Variants in SLC25A21 observed in about 807,000 individuals in gnomAD.
SLC25A21 encodes the protein mitochondrial 2-oxodicarboxylate carrier.
Under a neutral mutation model 43.8 loss-of-function variants are expected in SLC25A21, and 47 were observed. The ratio of observed to expected loss-of-function variants is 1.07; its 90% CI spans 0.85 to 1.37. The LOEUF (loss-of-function observed/expected upper bound fraction) is 1.37, where lower values mean the gene tolerates loss of function less well. Ranked by LOEUF, SLC25A21 falls within the 40% of genes most tolerant of loss-of-function variation. The pLI, the probability that SLC25A21 is intolerant of heterozygous loss-of-function variation, is 0.00. For missense variants in SLC25A21, 352 were observed against 350.2 expected (o/e 1.00, Z -0.04); for synonymous variants, 131 against 121.3 (o/e 1.08, Z -0.52).
chr14:37,092,841 TC>T (rs1250449203), intron 1 of SLC25A21, among the ~76,000 whole-genome samples: 1 of 152,020 alleles, frequency 6.6e-6, no homozygotes, highest in Non-Finnish European at 1.5e-5. Flanking sequence ...TGGGTGAGGT[TC>T]TGTTTTTCTT....
At chr14:36,955,492 A>G (rs1959315235) in intron 1 of SLC25A21, among the ~76,000 whole-genome samples, 1 of 152,146 alleles carries the variant, frequency 6.6e-6, no homozygotes, top group Non-Finnish European at 1.5e-5. Context: ...TGTCATTTAG[A>G]TGGCCTACTT....
At chr14:37,026,190 C>T (rs1961089699) in intron 1 of SLC25A21, among the ~76,000 whole-genome samples, 1 of 152,124 alleles carries the variant, frequency 6.6e-6, no homozygotes, top group Admixed American at 6.6e-5. Context: ...TTCTGTCACA[C>T]CACCAGATAT....
intron 1 of SLC25A21, among the ~76,000 whole-genome samples, chr14:37,078,806 A>G (rs1185415415): frequency 1.3e-5 from 2 of 151,612 alleles, no homozygotes; most frequent in Non-Finnish European, 2.9e-5. Flanking sequence ...AGTTTTAGCT[A>G]AGGATAATTT....
chr14:36,777,313 A>G (rs1484510918), intron 3 of SLC25A21, among the ~76,000 whole-genome samples: 1 of 152,134 alleles, frequency 6.6e-6, no homozygotes, highest in Admixed American at 6.5e-5. Flanking sequence ...TAAGTCCATC[A>G]CATCTTAAAT....
At chr14:36,780,260 G>T (rs1315373335) in intron 3 of SLC25A21, among the ~76,000 whole-genome samples, 1 of 145,746 alleles carries the variant, frequency 6.9e-6, no homozygotes, top group African/African-American at 2.8e-5. Flanking sequence ...TCTCAATTTT[G>T]TTTATCTTTT....
intron 1 of SLC25A21, among the ~76,000 whole-genome samples, chr14:36,997,265 G>A (rs1324495478): frequency 6.6e-6 from 1 of 152,078 alleles, no homozygotes; most frequent in Non-Finnish European, 1.5e-5. Context: ...TATATGCCAG[G>A]CACTGATGAT....
intron 1 of SLC25A21, among the ~76,000 whole-genome samples, chr14:37,134,857 C>A (rs1963451594): frequency 6.6e-6 from 1 of 151,806 alleles, no homozygotes; most frequent in Non-Finnish European, 1.5e-5. Flanking sequence ...CTTTGGGAAA[C>A]CCCAGCAAAA....
At chr14:36,764,550 G>T (rs117566125) in intron 3 of SLC25A21, among the ~76,000 whole-genome samples, 1 of 59,714 alleles carries the variant, frequency 1.7e-5, no homozygotes, top group African/African-American at 5.1e-5. Context: ...AAAAAAAAAA[G>T]CCAAAACAAA....
chr14:36,854,896 G>T (rs887094866), intron 2 of SLC25A21, among the ~76,000 whole-genome samples: 1 of 144,986 alleles, frequency 6.9e-6, no homozygotes, highest in Non-Finnish European at 1.5e-5. Context: ...GTGTAGGAGG[G>T]TAATTGGTGT....
At chr14:36,902,258 A>T (rs1011235820) in intron 1 of SLC25A21, among the ~76,000 whole-genome samples, 5 of 152,134 alleles carry the variant, frequency 3.3e-5, no homozygotes, top group Non-Finnish European at 7.4e-5. Context: ...GACTATTCTG[A>T]TGAGGGTTGT....
chr14:37,055,184 G>A (rs1961794201), intron 1 of SLC25A21, among the ~76,000 whole-genome samples: 1 of 152,166 alleles, frequency 6.6e-6, no homozygotes. Flanking sequence ...GAAAGAAACT[G>A]TGCTGGAGAA....
At chr14:37,002,034 C>A (rs896347676) in intron 1 of SLC25A21, among the ~76,000 whole-genome samples, 1 of 152,056 alleles carries the variant, frequency 6.6e-6, no homozygotes, top group African/African-American at 2.4e-5. Flanking sequence ...TAAGTCAAAA[C>A]TTATTCATCA....
At chr14:36,997,091 G>A (rs991859909) in intron 1 of SLC25A21, among the ~76,000 whole-genome samples, 1 of 152,088 alleles carries the variant, frequency 6.6e-6, no homozygotes, top group Non-Finnish European at 1.5e-5. Flanking sequence ...AGAAAAGTCA[G>A]TCAAGGATTA....
intron 2 of SLC25A21, among the ~76,000 whole-genome samples, chr14:36,843,479 T>C (rs1889447979): frequency 1.3e-5 from 2 of 152,194 alleles, no homozygotes; most frequent in Non-Finnish European, 2.9e-5. Context: ...ATATTATAAA[T>C]CTCATTTATA....
rs549746604 is a variant in SLC25A21, at chr14:36,745,743, A to C, written c.204-11170T>G. Among the ~76,000 whole-genome samples, 71 of 152,276 alleles carry C rather than the reference A, an allele frequency of 4.7e-4. 2 individuals are homozygous for C. In the South Asian group the frequency reaches 0.015, roughly 32 times the overall value. Reference sequence around the variant, plus strand: ...AAGTTCTTTGTAGATTCTGGATATTAGCCCTTTGTCAGATGGATAGATTGC... The same window carrying C: ...AAGTTCTTTGTAGATTCTGGATATTCGCCCTTTGTCAGATGGATAGATTGC... On this transcript the variant is annotated intron_variant, in intron 3 of 9. Transcript: ENST00000331299.
At chr14:36,696,057 T>C (rs1214223831) in intron 7 of SLC25A21, among the ~76,000 whole-genome samples, 6 of 151,900 alleles carry the variant, frequency 3.9e-5, no homozygotes, top group African/African-American at 1.5e-4. Context: ...TCATAAATAG[T>C]TCTTATTATT....
At chr14:36,802,302 A>T (rs1299212730) in intron 3 of SLC25A21, among the ~76,000 whole-genome samples, 1 of 152,210 alleles carries the variant, frequency 6.6e-6, no homozygotes, top group African/African-American at 2.4e-5. Context: ...GATTATATAC[A>T]AAGAACTATG....
chr14:36,928,111 A>G (rs568288226), intron 1 of SLC25A21, among the ~76,000 whole-genome samples: 1 of 152,320 alleles, frequency 6.6e-6, no homozygotes, highest in Admixed American at 6.5e-5. Flanking sequence ...TTCCTAAAGC[A>G]TCTGGCCTCT....
chr14:37,172,276 C>T lies in SLC25A21; in HGVS notation c.70+5G>A, dbSNP rs780637623. ...CTCCGGCGGGGCAGGGCGGGCTGTC[C>T]TTACCTGCAGAACCACCGGCCACGA... is the stretch of plus-strand genomic sequence containing the variant. On this transcript the variant is annotated splice_donor_5th_base_variant and intron_variant, in intron 1 of 9. Coordinates refer to ENST00000331299, the MANE Select transcript of SLC25A21 (RefSeq NM_030631.4). 6.3e-7 allele frequency: 1 copy of T among 1,592,390 alleles called. No individual in the cohort carries two copies. Among genetic ancestry groups the T allele is most frequent in the African/African-American group, 1.3e-5 (1 of 74,506 alleles).
Sources: gnomAD v4.1 joint callset for allele counts (sites outside exome capture counted in the v4.1 genomes callset) on GRCh38, gnomAD v4.1.1 for gene constraint, MANE v1.5 for transcripts, NCBI Gene and HGNC (gene_info 2026-07-23, HGNC 2026-07-21) for gene names.